The following GRIK2 variants were observed in gnomAD, a reference collection of about 807,000 sequenced individuals.
The protein encoded by GRIK2 is glutamate ionotropic receptor kainate type subunit 2, also known as glutamate receptor ionotropic, kainate 2.
In GRIK2, 32 loss-of-function variants were observed where a neutral mutation model predicts 100.3. The ratio of observed to expected loss-of-function variants is 0.32; its 90% confidence interval spans 0.24 to 0.43. The LOEUF (loss-of-function observed/expected upper bound fraction) is 0.43, where lower values mean the gene tolerates loss of function less well. Ranked by LOEUF, GRIK2 falls within the 20% of genes least tolerant of loss-of-function variation. The pLI, the probability that GRIK2 is intolerant of heterozygous loss-of-function variation, is 1.00. For missense variants in GRIK2, 843 were observed against 1,114.9 expected, an observed-to-expected ratio of 0.76 and a Z score of 3.47; for synonymous variants, 417 against 389.4, an observed-to-expected ratio of 1.07 and a Z score of -0.83.
intron 2 of GRIK2, among the ~76,000 whole-genome samples, chr6:101,571,995 G>A (rs984949590): frequency 6.6e-6 from 1 of 152,074 alleles, no homozygotes; most frequent in African/African-American, 2.4e-5. Context: ...CTTCAAACCA[G>A]TGTTCTTATT....
intron 7 of GRIK2, among the ~76,000 whole-genome samples, chr6:101,779,701 G>C (rs1456275135): frequency 3.3e-5 from 5 of 152,088 alleles, no homozygotes; most frequent in African/African-American, 9.7e-5. Context: ...TACCTAATTT[G>C]AGCTTCTTTC....
intron 7 of GRIK2, among the ~76,000 whole-genome samples, chr6:101,706,423 GCAAA>G (rs1292210938): frequency 6.6e-6 from 1 of 151,712 alleles, no homozygotes; most frequent in African/African-American, 2.4e-5. Context: ...TCTATACTAT[GCAAA>G]CATTGATGGC....
chr6:102,033,069 A>C (rs1294811582), intron 14 of GRIK2, among the ~76,000 whole-genome samples: 2 of 151,382 alleles, frequency 1.3e-5, no homozygotes. Flanking sequence ...AATCATTAAC[A>C]TCATTGTGTT....
At chr6:102,047,918 A>T (rs554256662) in intron 15 of GRIK2, among the ~76,000 whole-genome samples, 1 of 152,058 alleles carries the variant, frequency 6.6e-6, no homozygotes, top group South Asian at 2.1e-4. Flanking sequence ...TGAGCAAAAT[A>T]AAATAAAGCT....
chr6:101,512,515 C>A (rs941509780), intron 2 of GRIK2, among the ~76,000 whole-genome samples: 1 of 152,054 alleles, frequency 6.6e-6, no homozygotes, highest in African/African-American at 2.4e-5. Flanking sequence ...GATGCATTTC[C>A]ATCTCACTTG....
chr6:101,600,623 G>T (rs1177982862), intron 2 of GRIK2, among the ~76,000 whole-genome samples: 1 of 151,252 alleles, frequency 6.6e-6, no homozygotes, highest in East Asian at 2.0e-4. Context: ...TCACCCTGTT[G>T]GTTACATGTA....
At chr6:101,590,101 T>C (rs2128306206) in intron 2 of GRIK2, among the ~76,000 whole-genome samples, 1 of 152,270 alleles carries the variant, frequency 6.6e-6, no homozygotes, top group South Asian at 2.1e-4. Context: ...AAACATAGTA[T>C]ATTTGAAGGA....
chr6:101,979,939 T>C (rs539511214), intron 14 of GRIK2, among the ~76,000 whole-genome samples: 20 of 152,002 alleles, frequency 1.3e-4, no homozygotes, highest in Non-Finnish European at 2.7e-4. Context: ...AAGAACCAAT[T>C]AAAGCTGTGG....
intron 2 of GRIK2, among the ~76,000 whole-genome samples, chr6:101,421,738 G>C (rs1242809380): frequency 1.3e-5 from 2 of 152,064 alleles, no homozygotes; most frequent in African/African-American, 2.4e-5. Flanking sequence ...AGCATCACAA[G>C]GTTATTTGTT....
chr6:101,452,336 C>T (rs1174787026), intron 2 of GRIK2, among the ~76,000 whole-genome samples: 1 of 151,830 alleles, frequency 6.6e-6, no homozygotes, highest in African/African-American at 2.4e-5. Flanking sequence ...GGTTCTCAAG[C>T]TTGGCTGCAT....
intron 2 of GRIK2, among the ~76,000 whole-genome samples, chr6:101,557,443 A>G (rs191640964): frequency 5.9e-5 from 9 of 152,326 alleles, no homozygotes; most frequent in Admixed American, 5.9e-4. Context: ...TTTGTTAACT[A>G]AACACCTATT....
At chr6:101,937,232 T>C (rs1790672459) in intron 14 of GRIK2, among the ~76,000 whole-genome samples, 1 of 152,128 alleles carries the variant, frequency 6.6e-6, no homozygotes, top group Non-Finnish European at 1.5e-5. Context: ...CAGCATACAC[T>C]AGTATGCTAT....
At chr6:101,427,463 A>T (rs1769100716) in intron 2 of GRIK2, among the ~76,000 whole-genome samples, 2 of 152,212 alleles carry the variant, frequency 1.3e-5, no homozygotes, top group Admixed American at 1.3e-4. Flanking sequence ...GAAAATGTGC[A>T]TGAAGGCAGG....
At chr6:101,472,669 G>A (rs1772008703) in intron 2 of GRIK2, among the ~76,000 whole-genome samples, 1 of 151,546 alleles carries the variant, frequency 6.6e-6, no homozygotes, top group African/African-American at 2.4e-5. Context: ...TCCATTTCAG[G>A]TTCTTTTTGA....
intron 5 of GRIK2, among the ~76,000 whole-genome samples, chr6:101,679,228 A>G (rs1168883553): frequency 3.3e-5 from 5 of 152,220 alleles, no homozygotes; most frequent in Non-Finnish European, 5.9e-5. Flanking sequence ...AAGTAAAATA[A>G]AGTAAAAATT....
chr6:101,413,248 T>A (rs1294099112), intron 2 of GRIK2, among the ~76,000 whole-genome samples: 1 of 152,044 alleles, frequency 6.6e-6, no homozygotes, highest in East Asian at 1.9e-4. Flanking sequence ...TCTCTCTCTC[T>A]CACCCCTCCC....
intron 2 of GRIK2, among the ~76,000 whole-genome samples, chr6:101,588,140 T>C (rs1778464182): frequency 6.6e-6 from 1 of 151,998 alleles, no homozygotes; most frequent in Non-Finnish European, 1.5e-5. Flanking sequence ...AAAATATGAA[T>C]ATAACCTAAA....
chr6:101,671,267 C>CATATTTCAAA (rs1770411524), intron 4 of GRIK2, among the ~76,000 whole-genome samples: 1 of 151,762 alleles, frequency 6.6e-6, no homozygotes, highest in Admixed American at 6.6e-5. Flanking sequence ...TGCTATATTC[C>CATATTTCAAA]TTGATACCAT....
chr6:101,875,097 T>C (rs1211621624), intron 11 of GRIK2, among the ~76,000 whole-genome samples: 2 of 152,244 alleles, frequency 1.3e-5, no homozygotes, highest in East Asian at 3.9e-4. Context: ...TTCTTTCTCC[T>C]GCCTGATTGC....
Sources: allele counts gnomAD v4.1 joint callset (sites outside exome capture counted in the v4.1 genomes callset), GRCh38; gene constraint gnomAD v4.1.1; transcripts MANE v1.5; gene names NCBI Gene and HGNC (gene_info 2026-07-23, HGNC 2026-07-21).